RGL1: variants seen among roughly 807,000 people sequenced by gnomAD.
The protein encoded by RGL1 is ral guanine nucleotide dissociation stimulator-like 1.
In RGL1, 24 loss-of-function variants were observed where a neutral mutation model predicts 95.2. The ratio of observed to expected loss-of-function variants is 0.25; its 90% CI spans 0.18 to 0.35. The LOEUF (loss-of-function observed/expected upper bound fraction) is 0.35, where lower values mean the gene tolerates loss of function less well. RGL1 is among the 10% of genes least tolerant of loss of function. RGL1 has a pLI of 1.00. For missense variants in RGL1, 715 were observed against 936.3 expected (o/e 0.76, Z 3.08); for synonymous variants, 329 against 344.9 (o/e 0.95, Z 0.51).
intron 14 of RGL1, among the ~76,000 whole-genome samples, chr1:183,907,641 T>C (rs953499394): frequency 1.3e-5 from 2 of 152,190 alleles, no homozygotes; most frequent in South Asian, 2.1e-4. Flanking sequence ...AAAAATGTTA[T>C]GTGCCAAGAG....
intron 3 of RGL1, among the ~76,000 whole-genome samples, chr1:183,864,044 A>G (rs1384209553): frequency 6.6e-6 from 1 of 152,220 alleles, no homozygotes; most frequent in Non-Finnish European, 1.5e-5. Flanking sequence ...TGTTGGTGCC[A>G]TCCAAACCTG....
chr1:183,915,356 TAATG>T (rs1668896702), intron 15 of RGL1, among the ~76,000 whole-genome samples: 1 of 152,242 alleles, frequency 6.6e-6, no homozygotes, highest in Non-Finnish European at 1.5e-5. Flanking sequence ...TCTACAATAA[TAATG>T]GGTATTTTAA....
At chr1:183,742,295 A>G in intron 2 of RGL1, 1 of 1,613,910 alleles carries the variant, frequency 6.2e-7, no homozygotes, top group African/African-American at 1.3e-5. Flanking sequence ...AGGAGGTAAG[A>G]TGACTCTAAA....
At chr1:183,826,402 T>G (rs1231381956) in intron 2 of RGL1, among the ~76,000 whole-genome samples, 1 of 152,216 alleles carries the variant, frequency 6.6e-6, no homozygotes, top group East Asian at 1.9e-4. Flanking sequence ...ATTTGTTTCA[T>G]TGTTATTGAT....
At chr1:183,672,341 A>T (rs1470329379) in intron 1 of RGL1, among the ~76,000 whole-genome samples, 1 of 152,182 alleles carries the variant, frequency 6.6e-6, no homozygotes, top group African/African-American at 2.4e-5. Context: ...AAAAATAGTC[A>T]TTATTTTCTG....
intron 2 of RGL1, among the ~76,000 whole-genome samples, chr1:183,743,585 A>G (rs575552297): frequency 3.9e-5 from 6 of 152,198 alleles, no homozygotes; most frequent in Non-Finnish European, 5.9e-5. Flanking sequence ...GGGCAAACTC[A>G]CATGAATTAA....
chr1:183,911,699 G>A (rs1178167795), intron 14 of RGL1, among the ~76,000 whole-genome samples: 1 of 152,156 alleles, frequency 6.6e-6, no homozygotes, highest in African/African-American at 2.4e-5. Context: ...CTTCCTCCTT[G>A]GTTTCTTACC....
intron 1 of RGL1, among the ~76,000 whole-genome samples, chr1:183,636,869 A>G (rs1649572977): frequency 6.6e-6 from 1 of 152,236 alleles, no homozygotes; most frequent in Non-Finnish European, 1.5e-5. Context: ...CTGAAGAACA[A>G]ATATTTGCAG....
At chr1:183,733,124 A>C (rs1401593181) in intron 1 of RGL1, among the ~76,000 whole-genome samples, 1 of 152,126 alleles carries the variant, frequency 6.6e-6, no homozygotes, top group Non-Finnish European at 1.5e-5. Flanking sequence ...ACATGGAAAC[A>C]AATTTTTTTT....
At chr1:183,842,537 T>A (rs1271718703) in intron 2 of RGL1, among the ~76,000 whole-genome samples, 1 of 152,140 alleles carries the variant, frequency 6.6e-6, no homozygotes, top group Non-Finnish European at 1.5e-5. Context: ...GTTTTAGATA[T>A]TTACCCCATA....
chr1:183,863,518 A>G (rs1292653259), intron 3 of RGL1, among the ~76,000 whole-genome samples: 1 of 151,880 alleles, frequency 6.6e-6, no homozygotes, highest in African/African-American at 2.4e-5. Flanking sequence ...GATCTACCTA[A>G]AGCAGAATTG....
chr1:183,753,437 T>C (rs909398050), intron 2 of RGL1, among the ~76,000 whole-genome samples: 3 of 152,114 alleles, frequency 2.0e-5, no homozygotes, highest in Admixed American at 6.5e-5. Flanking sequence ...AAATCCACAG[T>C]TTTGTGGATG....
intron 2 of RGL1, among the ~76,000 whole-genome samples, chr1:183,761,489 G>A (rs1454123973): frequency 6.6e-6 from 1 of 152,164 alleles, no homozygotes; most frequent in Non-Finnish European, 1.5e-5. Context: ...AAAATATTCA[G>A]TAAGCTGTAT....
chr1:183,663,416 A>T (rs12025989), intron 1 of RGL1, among the ~76,000 whole-genome samples: 10,310 of 151,558 alleles, frequency 0.068, 706 homozygotes, highest in African/African-American at 0.16. Flanking sequence ...ATGAGCATAC[A>T]CTTCTTAAAA....
At chr1:183,903,339 A>G (rs985879654) in intron 12 of RGL1, among the ~76,000 whole-genome samples, 3 of 152,104 alleles carry the variant, frequency 2.0e-5, no homozygotes, top group African/African-American at 7.2e-5. Context: ...CTCAACATCA[A>G]TTTCACTCTT....
chr1:183,796,329 A>G (rs1660701502), intron 2 of RGL1, among the ~76,000 whole-genome samples: 2 of 151,832 alleles, frequency 1.3e-5, no homozygotes, highest in Non-Finnish European at 2.9e-5. Context: ...ACACCCAGCT[A>G]ATTTTTGTAT....
At chr1:183,905,122 C>A in intron 13 of RGL1, 151 bp downstream of exon 13, 1 of 886,424 alleles carries the variant, frequency 1.1e-6, no homozygotes, top group Non-Finnish European at 1.7e-6. Flanking sequence ...CATGGTGTGG[C>A]AGGAAAGGCT....
rs367793050 is a variant in RGL1 at position 183,650,345 on chromosome 1, A to C, written c.-33+13844A>C. On this transcript the variant is annotated intron_variant, in intron 1 of 18. Transcript: ENST00000304685. ...GATCATGAGGTCAGGAGATGGAGAC[A>C]ATCCTGGCTAACATGGTGAAACCCC... Among the ~76,000 whole-genome samples, 54 of 152,192 alleles carry C rather than the reference A, an allele frequency of 3.5e-4. 1 individual carries two copies. Among genetic ancestry groups the C allele is most frequent in the Admixed American group, 7.8e-4 (12 of 15,304 alleles).
At chr1:183,749,033 C>T (rs907869101) in intron 2 of RGL1, among the ~76,000 whole-genome samples, 3 of 152,208 alleles carry the variant, frequency 2.0e-5, no homozygotes, top group Non-Finnish European at 4.4e-5. Flanking sequence ...GAATGTTTTA[C>T]TTCCAATTAT....
Sources: gnomAD v4.1 joint callset for allele counts (sites outside exome capture counted in the v4.1 genomes callset) on GRCh38, gnomAD v4.1.1 for gene constraint, MANE v1.5 for transcripts, NCBI Gene and HGNC (gene_info 2026-07-23, HGNC 2026-07-21) for gene names.